PRKAR1A: variants seen among roughly 807,000 people sequenced by gnomAD.
The protein encoded by PRKAR1A is cAMP-dependent protein kinase type I-alpha regulatory subunit.
In PRKAR1A, 3 loss-of-function variants were observed where a neutral mutation model predicts 52.0. The ratio of observed to expected loss-of-function variants is 0.06; its 90% CI spans 0.03 to 0.15. The LOEUF is 0.15. PRKAR1A is among the 10% of genes least tolerant of loss of function. The probability of loss-of-function intolerance (pLI) is 1.00; values close to 1 mark genes in which losing one functional copy is unlikely to be tolerated. For synonymous variants in PRKAR1A, 188 were observed against 168.4 expected (o/e 1.12, Z -0.90); for missense variants, 240 against 477.4 (o/e 0.50, Z 4.63).
At chr17:68,540,369 G>A (rs1164097247) in intron 11 of PRKAR1A, among the ~76,000 whole-genome samples, 3 of 152,214 alleles carry the variant, frequency 2.0e-5, no homozygotes, top group Non-Finnish European at 2.9e-5. Context: ...GCACGATGAT[G>A]AGCCAGCTGT....
chr17:68,500,576 C>T, the PRKAR1A span, among the ~76,000 whole-genome samples: 17 of 150,974 alleles, frequency 1.1e-4, no homozygotes, highest in South Asian at 1.9e-3. Context: ...TGCAATGGCG[C>T]GATTTTGGCT....
chr17:68,510,159 C>CAGAGAGAGAGAGAGAGAGAGAGAGAGAG (rs35144524), upstream of PRKAR1A, among the ~76,000 whole-genome samples: 87 of 127,620 alleles, frequency 6.8e-4, 2 homozygotes, highest in Non-Finnish European at 8.3e-4. Context: ...TATATGTAGA[C>CAGAGAGAGAGAGAGAGAGAGAGAGAGAG]AGAGAGAGAG....
the PRKAR1A span, chr17:68,430,249 A>G: frequency 1.5e-6 from 2 of 1,332,024 alleles, no homozygotes; most frequent in Non-Finnish European, 2.1e-6. Flanking sequence ...CATTAGCCAC[A>G]CTCCCCGCAG....
chr17:68,512,954 C>T (rs1236118481), intron 1 of PRKAR1A: 2 of 152,396 alleles, frequency 1.3e-5, no homozygotes, highest in South Asian at 2.1e-4. Context: ...TCTCGTCCGC[C>T]GGTCCTGGCT....
the PRKAR1A span, chr17:68,457,309 C>T: frequency 6.5e-7 from 1 of 1,538,722 alleles, no homozygotes; most frequent in Non-Finnish European, 8.8e-7. Flanking sequence ...CTCTGTCCCC[C>T]ACCTCCCTGG....
chr17:68,491,954 T>A, the PRKAR1A span, among the ~76,000 whole-genome samples: 10 of 152,118 alleles, frequency 6.6e-5, no homozygotes, highest in Non-Finnish European at 1.0e-4. Context: ...AGAGTTCCAG[T>A]TAGTGTCTGT....
the PRKAR1A span, among the ~76,000 whole-genome samples, chr17:68,463,632 A>G: frequency 6.6e-6 from 1 of 152,112 alleles, no homozygotes; most frequent in African/African-American, 2.4e-5. Flanking sequence ...GGGAGGAGAA[A>G]TTTTGCATAG....
chr17:68,522,680 G>A, intron 2 of PRKAR1A, 76 bp from the exon 3 acceptor site: 1 of 1,465,954 alleles, frequency 6.8e-7, no homozygotes, highest in Middle Eastern at 1.8e-4. Flanking sequence ...GACTGAGATA[G>A]ACTATCATTG....
At chr17:68,551,130 TG>T in exon 12 of PRKAR1A, 1 of 1,234,132 alleles carries the variant, frequency 8.1e-7, no homozygotes, top group Non-Finnish European at 1.0e-6. Flanking sequence ...GCTAAGGCAC[TG>T]GGGCCGAACT....
rs1460961845 is a variant in PRKAR1A, at chr17:68,515,521, C to T, written c.122C>T (p.Ala41Val). ...GATTCTATTGTGCAGTTGTGCACTG[C>T]TCGACCTGAGAGACCCATGGCATTC... ...LKDSIVQLCT[A>V]RPERPMAFLR... The change falls in exon 2 of 11, where the codon GCT (alanine) becomes GTT (valine). Residue 41 changes from alanine (A) to valine (V), a missense_variant. Physicochemically the swap from Ala to Val is moderately conservative, Grantham distance 64 (BLOSUM62 0). Coordinates refer to ENST00000589228, the MANE Select transcript of PRKAR1A (RefSeq NM_002734.5). 2.5e-6 allele frequency: 4 copies of T among 1,612,962 alleles called. No homozygotes were observed. The South Asian group carries it at 4.4e-5, about 18-fold the overall frequency.
At chr17:68,509,840 G>T (rs2085239543), upstream of PRKAR1A, among the ~76,000 whole-genome samples, 1 of 152,166 alleles carries the variant, frequency 6.6e-6, no homozygotes, top group Non-Finnish European at 1.5e-5. Flanking sequence ...CTAGAACAAG[G>T]TTGAGTGTGA....
chr17:68,501,090 A>C, the PRKAR1A span, among the ~76,000 whole-genome samples: 1 of 146,752 alleles, frequency 6.8e-6, no homozygotes, highest in Admixed American at 6.8e-5. Context: ...GAGAGCTCGG[A>C]GCATACTCCT....
the PRKAR1A span, chr17:68,433,623 T>C: frequency 6.8e-7 from 1 of 1,479,352 alleles, no homozygotes; most frequent in Non-Finnish European, 9.4e-7. Context: ...AAATGGGAGT[T>C]ATGGCCTTAT....
chr17:68,435,507 G>T, the PRKAR1A span: 18 of 1,006,942 alleles, frequency 1.8e-5, no homozygotes. Context: ...ATTCTGAGTG[G>T]GCCCAGAGAC....
At chr17:68,460,160 G>A in the PRKAR1A span, among the ~76,000 whole-genome samples, 3 of 152,010 alleles carry the variant, frequency 2.0e-5, no homozygotes, top group Non-Finnish European at 2.9e-5. Flanking sequence ...TTGAATATCC[G>A]GTGTGTATTT....
chr17:68,504,087 C>A, the PRKAR1A span, among the ~76,000 whole-genome samples: 19 of 152,194 alleles, frequency 1.2e-4, no homozygotes, highest in Non-Finnish European at 2.5e-4. Context: ...GATATCTGCA[C>A]TCCCATATTT....
intron 1 of PRKAR1A, among the ~76,000 whole-genome samples, chr17:68,513,640 A>G (rs1275442287): frequency 6.6e-6 from 1 of 152,248 alleles, no homozygotes; most frequent in East Asian, 1.9e-4. Context: ...ATAAGTACAC[A>G]TAGAGAATCC....
chr17:68,486,506 C>CTTCCTTCCTTCCTTCCTTCCTTCCCTCT, the PRKAR1A span, among the ~76,000 whole-genome samples: 175 of 48,252 alleles, frequency 3.6e-3, 2 homozygotes, highest in Middle Eastern at 0.011. Context: ...TCCTTCCTTC[C>CTTCCTTCCTTCCTTCCTTCCTTCCCTCT]TTCTTTCTTT....
rs2086027169 is a variant in PRKAR1A, at chr17:68,533,311, G to C, written c.*2862G>C. 1 of 1,063,670 alleles carries C rather than the reference G, an allele frequency of 9.4e-7. No individual in the cohort carries two copies. Among genetic ancestry groups the C allele is most frequent in the South Asian group, 4.6e-5 (1 of 21,970 alleles). 65.9% of individuals were successfully genotyped at this position (1,063,670 alleles called of 1,614,324 possible). ...ATTGGAGATATGTTGTATGTTAGAA[G>C]AGCATTCTTTAAATTGTGTTGCTTT... is the stretch of plus-strand genomic sequence containing the variant. On this transcript the variant is annotated 3_prime_UTR_variant, in exon 11 of 11. Transcript: ENST00000589228.
Sources: gnomAD v4.1 joint callset for allele counts (sites outside exome capture counted in the v4.1 genomes callset) on GRCh38, gnomAD v4.1.1 for gene constraint, MANE v1.5 for transcripts, NCBI Gene and HGNC (gene_info 2026-07-23, HGNC 2026-07-21) for gene names.